Variants in FAT3 observed in about 807,000 individuals in gnomAD.
FAT3 encodes protocadherin Fat 3.
In FAT3, 95 loss-of-function variants were observed where a neutral mutation model predicts 310.2. That is an observed-to-expected ratio of 0.31 (90% CI 0.26 to 0.36). The LOEUF is 0.36. Ranked by LOEUF, FAT3 falls within the 10% of genes least tolerant of loss-of-function variation. FAT3 has a pLI of 1.00. For synonymous variants in FAT3, 2,314 were observed against 2,192.9 expected (o/e 1.06, Z -1.54); for missense variants, 5,408 against 5,715.6 (o/e 0.95, Z 1.74).
chr11:92,679,373 C>A (rs867934440), intron 3 of FAT3, among the ~76,000 whole-genome samples: 56 of 151,630 alleles, frequency 3.7e-4, no homozygotes, highest in African/African-American at 1.2e-3. Flanking sequence ...TGAGAATTCC[C>A]CATACTGTTT....
At chr11:92,671,714 G>A (rs1283920086) in intron 3 of FAT3, among the ~76,000 whole-genome samples, 3 of 152,148 alleles carry the variant, frequency 2.0e-5, no homozygotes, top group Admixed American at 2.0e-4. Context: ...ATGAAGGCAT[G>A]CATCGGATCT....
intron 2 of FAT3, among the ~76,000 whole-genome samples, chr11:92,456,458 C>T (rs1321926060): frequency 6.6e-6 from 1 of 152,084 alleles, no homozygotes; most frequent in African/African-American, 2.4e-5. Context: ...CTTCCAGTGA[C>T]TCTGTTAAAA....
intron 1 of FAT3, among the ~76,000 whole-genome samples, chr11:92,315,894 G>A (rs539903457): frequency 6.6e-6 from 1 of 152,062 alleles, no homozygotes; most frequent in South Asian, 2.1e-4. Context: ...AAGGGGAAAG[G>A]TTGAAATTTG....
At chr11:92,879,959 T>A (rs909458747) in intron 22 of FAT3, among the ~76,000 whole-genome samples, 3 of 152,054 alleles carry the variant, frequency 2.0e-5, no homozygotes, top group Non-Finnish European at 2.9e-5. Context: ...ATCTTACGGT[T>A]TTTTTTAAAG....
Position 92,447,263 on chromosome 11 carries a change from G to C in FAT3, c.3293-77371G>C, listed in dbSNP as rs184480444. 2.0e-5 allele frequency among the ~76,000 whole-genome samples: 3 copies of C among 148,286 alleles called. No individual in the cohort carries two copies. In the East Asian group the frequency reaches 5.9e-4, roughly 29 times the overall value. On this transcript the variant is annotated intron_variant, in intron 2 of 27. Coordinates refer to ENST00000525166, the MANE Select transcript of FAT3 (RefSeq NM_001367949.2). ...TGTGTGTGTGTGTGTGTGTACAGTG[G>C]TTTCAAGCACATTTTTCAGAGTTAG... is the stretch of plus-strand genomic sequence containing the variant.
intron 2 of FAT3, among the ~76,000 whole-genome samples, chr11:92,370,515 G>A (rs1010732522): frequency 6.6e-6 from 1 of 152,164 alleles, no homozygotes; most frequent in Non-Finnish European, 1.5e-5. Context: ...CTTACACCTT[G>A]AGGATACTTC....
chr11:92,786,118 A>C (rs1391760327), intron 7 of FAT3, among the ~76,000 whole-genome samples: 1 of 152,172 alleles, frequency 6.6e-6, no homozygotes, highest in East Asian at 1.9e-4. Context: ...ATGGAGAGCC[A>C]TATGGAAAAT....
chr11:92,429,567 C>T (rs1470055267), intron 2 of FAT3, among the ~76,000 whole-genome samples: 2 of 152,168 alleles, frequency 1.3e-5, no homozygotes, highest in Non-Finnish European at 2.9e-5. Context: ...TCTTGTAAGG[C>T]AGGCCTGGTG....
intron 3 of FAT3, among the ~76,000 whole-genome samples, chr11:92,565,187 A>G (rs1372825321): frequency 1.3e-5 from 2 of 149,088 alleles, no homozygotes; most frequent in Non-Finnish European, 3.0e-5. Context: ...AGACACAATA[A>G]AAAATGATAA....
At chr11:92,413,935 A>C (rs969451660) in intron 2 of FAT3, among the ~76,000 whole-genome samples, 1 of 152,104 alleles carries the variant, frequency 6.6e-6, no homozygotes, top group Admixed American at 6.5e-5. Context: ...CTGTGCATGC[A>C]TGTTGGTGAT....
At chr11:92,852,779 A>G (rs1948865691) in intron 19 of FAT3, among the ~76,000 whole-genome samples, 1 of 152,184 alleles carries the variant, frequency 6.6e-6, no homozygotes, top group African/African-American at 2.4e-5. Context: ...GACTGGATCT[A>G]ACATAATCCA....
chr11:92,283,950 C>T (rs1386746191), intron 1 of FAT3, among the ~76,000 whole-genome samples: 1 of 151,974 alleles, frequency 6.6e-6, no homozygotes, highest in Non-Finnish European at 1.5e-5. Flanking sequence ...CAAAAGAATT[C>T]TGGGAACTTT....
intron 1 of FAT3, among the ~76,000 whole-genome samples, chr11:92,316,889 C>T (rs532680903): frequency 2.7e-4 from 41 of 152,234 alleles, no homozygotes; most frequent in South Asian, 4.1e-4. Context: ...TGGAGCCAGC[C>T]TTTTTGGGAA....
At chr11:92,469,962 A>G (rs1178391632) in intron 2 of FAT3, among the ~76,000 whole-genome samples, 2 of 152,250 alleles carry the variant, frequency 1.3e-5, no homozygotes, top group African/African-American at 4.8e-5. Context: ...TATCTGGAAC[A>G]TATTATCCAA....
At chr11:92,693,917 A>C (rs778352343) in intron 3 of FAT3, among the ~76,000 whole-genome samples, 2 of 152,140 alleles carry the variant, frequency 1.3e-5, no homozygotes, top group Non-Finnish European at 2.9e-5. Flanking sequence ...CTGAGGCCTA[A>C]ACTAACTAAC....
chr11:92,711,228 ATACTT>A (rs1429423719), intron 4 of FAT3, among the ~76,000 whole-genome samples: 1 of 152,158 alleles, frequency 6.6e-6, no homozygotes, highest in Non-Finnish European at 1.5e-5. Context: ...AATCTAATAA[ATACTT>A]TATATAGTTT....
At chr11:92,531,408 G>A (rs572484787) in intron 3 of FAT3, among the ~76,000 whole-genome samples, 2 of 152,240 alleles carry the variant, frequency 1.3e-5, no homozygotes, top group Non-Finnish European at 2.9e-5. Context: ...GGTTGAGGGT[G>A]GGGGTCATGG....
intron 1 of FAT3, among the ~76,000 whole-genome samples, chr11:92,247,260 C>T (rs1453651524): frequency 6.6e-6 from 1 of 151,754 alleles, no homozygotes; most frequent in Non-Finnish European, 1.5e-5. Flanking sequence ...ATATAGAAGG[C>T]TCTTGCCTTA....
chr11:92,811,598 G>A (rs1221844352), intron 13 of FAT3, among the ~76,000 whole-genome samples: 4 of 152,080 alleles, frequency 2.6e-5, no homozygotes, highest in African/African-American at 4.8e-5. Flanking sequence ...GTTGGGAGTT[G>A]GGGAGGAAGG....
Sources: allele counts gnomAD v4.1 joint callset (sites outside exome capture counted in the v4.1 genomes callset), GRCh38; gene constraint gnomAD v4.1.1; transcripts MANE v1.5; gene names NCBI Gene and HGNC (gene_info 2026-07-23, HGNC 2026-07-21).